The following RD3 variants were observed in gnomAD, a reference collection of about 807,000 sequenced individuals.
RD3 encodes the protein protein RD3.
RD3 carries 11 observed loss-of-function variants against 16.9 expected under a neutral mutation model. That is an observed-to-expected ratio of 0.65 (90% CI 0.41 to 1.08). RD3 has a LOEUF of 1.08. Among genes scored for constraint, RD3 ranks in the 50% least tolerant of loss-of-function variants. RD3 has a pLI of 0.00. For missense variants in RD3, 274 were observed against 267.4 expected (o/e 1.02, Z -0.17); for synonymous variants, 116 against 114.8 (o/e 1.01, Z -0.07).
Position 211,478,819 on chromosome 1 carries a change from G to A in RD3, c.*217C>T. ...TGCAGACTAGCGCAGGAGAGGGAGA[G>A]GGCGGTGCCGCTCTACGACCTAACT... On this transcript the variant is annotated 3_prime_UTR_variant, in exon 3 of 3. Transcript: ENST00000680073. The A allele has an allele frequency of 1.7e-6, 1 of 575,896 alleles. No homozygotes were observed. Among genetic ancestry groups the A allele is most frequent in the Non-Finnish European group, 3.1e-6 (1 of 325,826 alleles). The allele number at this position is 575,896 out of a possible 1,614,324, so 35.7% of individuals were successfully genotyped here. A position where few individuals can be genotyped will look rare whatever the true frequency, so the allele number is the denominator to read the frequency against.
At chr1:211,481,467 C>G in intron 1 of RD3, 41 bp from the exon 2 acceptor site, 1 of 1,593,540 alleles carries the variant, frequency 6.3e-7, no homozygotes, top group Non-Finnish European at 8.6e-7. Flanking sequence ...CTGGGCCCCT[C>G]TGTTAGTCAG....
Position 211,479,327 on chromosome 1 carries a change from C to A in RD3, c.297G>T (p.Arg99Ser), listed in dbSNP as rs575487939. Residue 99 changes from arginine to serine, a missense_variant and splice_region_variant, in exon 3 of 3, where the codon AGG (arginine) becomes AGT (serine). Coordinates refer to ENST00000680073, the MANE Select transcript of RD3 (RefSeq NM_001164688.2). ...HPSYCGPAIL[R>S]FRQLLAEQEP... ...CCTGCTCCGCCAGCAGCTGCCGGAA[C>A]CTGGGCGGGAGGGGAGGGCGCTGGG... 6.2e-7 allele frequency: 1 copy of A among 1,602,582 alleles called. No homozygotes were observed. The highest frequency in any genetic ancestry group is 2.2e-5 in the East Asian group (1 of 44,652).
chr1:211,481,202 C>T lies in RD3; in HGVS notation c.214G>A (p.Asp72Asn). Residue 72 changes from aspartate to asparagine, a missense_variant, in exon 2 of 3, where the codon GAC becomes AAC. Physicochemically the swap from Asp to Asn is conservative, Grantham distance 23. Coordinates refer to ENST00000680073, the MANE Select transcript of RD3 (RefSeq NM_001164688.2). The part of the protein sequence containing the change: ...WLASTPRSTY[D>N]LSPIERLQLE... ...TGCAACCGCTCAATGGGGCTGAGGT[C>T]ATAGGTGGACCGGGGTGTGCTGGCC... is the stretch of plus-strand genomic sequence containing the variant. 1 of 1,614,258 alleles carries T rather than the reference C, an allele frequency of 6.2e-7. No homozygotes were observed. Among genetic ancestry groups the T allele is most frequent in the South Asian group, 1.1e-5 (1 of 91,084 alleles).
chr1:211,482,237 T>C (rs1438944806), intron 1 of RD3, among the ~76,000 whole-genome samples: 1 of 151,604 alleles, frequency 6.6e-6, no homozygotes, highest in Non-Finnish European at 1.5e-5. Flanking sequence ...AAAAACTGTA[T>C]GGATTAACAT....
At chr1:211,488,864 C>T (rs1349311926) in intron 1 of RD3, among the ~76,000 whole-genome samples, 1 of 152,168 alleles carries the variant, frequency 6.6e-6, no homozygotes, top group East Asian at 1.9e-4. Context: ...CTCTCACCCC[C>T]ACTCACCACC....
chr1:211,487,910 G>T (rs1383599616), intron 1 of RD3, among the ~76,000 whole-genome samples: 1 of 152,218 alleles, frequency 6.6e-6, no homozygotes, highest in Non-Finnish European at 1.5e-5. Flanking sequence ...AGAGAGGGGG[G>T]AAAACAAGCA....
chr1:211,481,257 C>A lies in RD3; in HGVS notation c.159G>T (p.Lys53Asn). The change falls in exon 2 of 3, where the codon AAG becomes AAT. Residue 53 changes from lysine to asparagine, a missense_variant. Transcript: ENST00000680073. ...AGCTGTAGTCCACACCGGTGCAGAC[C>A]TTTCTGACCGCATTGCTGCGCTCCC... Reference protein sequence around the residue: ...QQRERSNAVRKVCTGVDYSWL... With the variant: ...QQRERSNAVRNVCTGVDYSWL... 1 of 1,614,270 alleles carries A rather than the reference C, an allele frequency of 6.2e-7. No individual in the cohort carries two copies. Among genetic ancestry groups the A allele is most frequent in the Non-Finnish European group, 8.5e-7 (1 of 1,180,054 alleles).
chr1:211,482,289 G>A (rs1705285278), intron 1 of RD3, among the ~76,000 whole-genome samples: 2 of 151,874 alleles, frequency 1.3e-5, no homozygotes, highest in African/African-American at 4.9e-5. Context: ...CATTCATTCA[G>A]CATTAATCAA....
At chr1:211,484,764 C>G (rs1421087727) in intron 1 of RD3, among the ~76,000 whole-genome samples, 3 of 152,188 alleles carry the variant, frequency 2.0e-5, no homozygotes, top group Non-Finnish European at 4.4e-5. Flanking sequence ...TCCCTCTCTT[C>G]CCACCTCCGC....
At chr1:211,483,454 C>CAA (rs879727673) in intron 1 of RD3, among the ~76,000 whole-genome samples, 20 of 104,210 alleles carry the variant, frequency 1.9e-4, no homozygotes, top group African/African-American at 6.4e-4. Flanking sequence ...GACTCCAACT[C>CAA]AAAAAAAAAA....
At position 211,481,161 on chromosome 1, in the gene RD3, G is replaced by A. The variant is rs751550542; in HGVS notation, c.255C>T (p.Cys85=). The A allele has an allele frequency of 7.4e-6, 12 of 1,614,122 alleles. No individual in the cohort carries two copies. The highest frequency in any genetic ancestry group is 4.4e-5 in the South Asian group (4 of 91,090). Reference sequence around the variant, plus strand: ...CACAATAGGATGGGTGGATCTTAACGCAGACATCTTCCAGCTGCAACCGCT... The same window carrying A: ...CACAATAGGATGGGTGGATCTTAACACAGACATCTTCCAGCTGCAACCGCT... The part of the protein sequence containing the change: ...PIERLQLEDV[C]VKIHPSYCGP... The change falls in exon 2 of 3, where the codon TGC becomes TGT. Residue 85 remains cysteine (C), a synonymous_variant. Coordinates refer to ENST00000680073, the MANE Select transcript of RD3 (RefSeq NM_001164688.2).
At position 211,480,967 on chromosome 1, in the gene RD3, C is replaced by G. The variant is rs538879919; in HGVS notation, c.296+153G>C. On this transcript the variant is annotated intron_variant, in intron 2 of 2. Coordinates refer to ENST00000680073, the MANE Select transcript of RD3 (RefSeq NM_001164688.2). ...ACCCTAGTCCAGCGTTTCATGGTCT[C>G]TTTCAGACTCCTTTTCCCCTCTTGC... is the stretch of plus-strand genomic sequence containing the variant. Among the ~76,000 whole-genome samples the G allele has an allele frequency of 2.0e-5, 3 of 152,372 alleles. No homozygotes were observed. The East Asian group carries it at 5.8e-4, about 29-fold the overall frequency.
chr1:211,489,946 T>TCTCTTTC (rs1251495845), intron 1 of RD3, among the ~76,000 whole-genome samples: 1 of 152,192 alleles, frequency 6.6e-6, no homozygotes, highest in Non-Finnish European at 1.5e-5. Flanking sequence ...TCTCTGATCT[T>TCTCTTTC]CTCTTTCCTC....
Position 211,478,600 on chromosome 1 carries a change from C to T in RD3, c.*436G>A. The stretch of plus-strand genomic sequence containing the variant: ...GCCAGTCACTAGCAAGAAGGCATAC[C>T]AGCCAACAGGTCCCTTCTCATTGGG... On this transcript the variant is annotated 3_prime_UTR_variant, in exon 3 of 3. Coordinates refer to ENST00000680073, the MANE Select transcript of RD3 (RefSeq NM_001164688.2). 1 of 217,506 alleles carries T rather than the reference C, an allele frequency of 4.6e-6. No homozygotes were observed. The highest frequency in any genetic ancestry group is 9.0e-6 in the Non-Finnish European group (1 of 111,426). The allele number at this position is 217,506 out of a possible 1,614,324, so 13.5% of individuals were successfully genotyped here.
intron 1 of RD3, among the ~76,000 whole-genome samples, chr1:211,483,905 A>G (rs1237871700): frequency 6.6e-6 from 1 of 152,214 alleles, no homozygotes; most frequent in Non-Finnish European, 1.5e-5. Flanking sequence ...CACTGCGAGC[A>G]TGCGGAGTCA....
At chr1:211,490,976 A>G (rs571624484) in intron 1 of RD3, among the ~76,000 whole-genome samples, 13 of 152,350 alleles carry the variant, frequency 8.5e-5, no homozygotes, top group Admixed American at 6.5e-4. Flanking sequence ...TGTGGGTTGA[A>G]TCTGCTGCAC....
At chr1:211,485,774 A>G (rs1705361562) in intron 1 of RD3, among the ~76,000 whole-genome samples, 1 of 152,264 alleles carries the variant, frequency 6.6e-6, no homozygotes, top group Middle Eastern at 3.4e-3. Context: ...GTGACCTCAG[A>G]GTCTTCCCAT....
In RD3 at chr1:211,489,069, C is replaced by A. The variant is rs993696558; in HGVS notation, c.-12+2699G>T. ...GCCTTTGTCCAAGTCACCTTCATGGCCCCAAGCCTCAGTTTCCCCAATCTA... is the reference window on the plus strand; with the variant it reads ...GCCTTTGTCCAAGTCACCTTCATGGACCCAAGCCTCAGTTTCCCCAATCTA... On this transcript the variant is annotated intron_variant, in intron 1 of 2. Coordinates refer to ENST00000680073, the MANE Select transcript of RD3 (RefSeq NM_001164688.2). Among the ~76,000 whole-genome samples the A allele has an allele frequency of 5.3e-5, 8 of 152,200 alleles. No homozygotes were observed. In the East Asian group the frequency reaches 1.3e-3, roughly 26 times the overall value.
At chr1:211,488,608 T>C in intron 1 of RD3, among the ~76,000 whole-genome samples, 1 of 150,018 alleles carries the variant, frequency 6.7e-6, no homozygotes, top group East Asian at 2.0e-4. Flanking sequence ...CCAAATGCAA[T>C]GATGACACAA....
Sources: allele counts gnomAD v4.1 joint callset (sites outside exome capture counted in the v4.1 genomes callset), GRCh38; gene constraint gnomAD v4.1.1; transcripts MANE v1.5; gene names NCBI Gene and HGNC (gene_info 2026-07-23, HGNC 2026-07-21).